Variants in SMIM7 observed in about 807,000 individuals in gnomAD.
The protein encoded by SMIM7 is UPF0608 protein C19orf42.
A neutral mutation model predicts 13.3 loss-of-function variants in SMIM7; 12 were observed. That is an observed-to-expected ratio of 0.90 (90% confidence interval 0.58 to 1.46). SMIM7 has a LOEUF of 1.46. Among genes scored for constraint, SMIM7 ranks in the 40% most tolerant of loss-of-function variants. SMIM7 has a pLI of 0.00. For missense variants in SMIM7, 114 were observed against 94.8 expected (o/e 1.20, Z -0.84); for synonymous variants, 36 against 35.8 (o/e 1.01, Z -0.02).
rs369854986 is a variant in SMIM7, at chr19:16,659,320, C to G, written c.121+75G>C. 8.0e-5 allele frequency: 84 copies of G among 1,053,652 alleles called. No homozygotes were observed. The African/African-American group carries it at 1.3e-3, about 16-fold the overall frequency. The allele number at this position is 1,053,652 out of a possible 1,614,324, so 65.3% of individuals were successfully genotyped here. A position where few individuals can be genotyped will look rare whatever the true frequency, so the allele number is the denominator to read the frequency against. ...AAAAAAAAAAGAGAAAGAAAGAAAA[C>G]GAAGGTAGGGCTTGGCGAAACAGAA... On this transcript the variant is annotated intron_variant, in intron 3 of 4. Transcript: ENST00000487416.
chr19:16,650,561 T>C (rs1423478823), intron 4 of SMIM7, among the ~76,000 whole-genome samples: 1 of 151,796 alleles, frequency 6.6e-6, no homozygotes, highest in Non-Finnish European at 1.5e-5. Context: ...AATAGAAAAA[T>C]TAGCCAAGTG....
chr19:16,632,422 G>A (rs945111525), intron 4 of SMIM7, among the ~76,000 whole-genome samples: 1 of 152,142 alleles, frequency 6.6e-6, no homozygotes, highest in African/African-American at 2.4e-5. Flanking sequence ...CTGAACGCAA[G>A]CCCCGGAACC....
chr19:16,635,603 C>G (rs184331235), intron 4 of SMIM7, among the ~76,000 whole-genome samples: 31 of 152,036 alleles, frequency 2.0e-4, no homozygotes, highest in Admixed American at 1.0e-3. Context: ...AGAGAGTAGC[C>G]AGGTGCAGTG....
At chr19:16,649,960 G>A (rs1301214780) in intron 4 of SMIM7, among the ~76,000 whole-genome samples, 2 of 152,064 alleles carry the variant, frequency 1.3e-5, no homozygotes, top group East Asian at 1.9e-4. Context: ...GGTTGCCAGG[G>A]ACTAAGGGAG....
chr19:16,654,295 G>A (rs2086567776), intron 3 of SMIM7, among the ~76,000 whole-genome samples, 170 bp from the exon 4 acceptor site: 2 of 152,094 alleles, frequency 1.3e-5, no homozygotes, highest in Non-Finnish European at 2.9e-5. Context: ...TCATCAGGCT[G>A]TGTCTACCAC....
intron 4 of SMIM7, chr19:16,652,994 C>T (rs1461316875): frequency 6.5e-7 from 1 of 1,549,182 alleles, no homozygotes; most frequent in African/African-American, 1.4e-5. Flanking sequence ...GAATTTAAAA[C>T]AATAAAGTCT....
intron 4 of SMIM7, among the ~76,000 whole-genome samples, chr19:16,633,183 G>A (rs2086334172): frequency 6.6e-6 from 1 of 151,958 alleles, no homozygotes; most frequent in Non-Finnish European, 1.5e-5. Flanking sequence ...CTGGCCAGGC[G>A]CGGTGGCTCA....
intron 4 of SMIM7, among the ~76,000 whole-genome samples, chr19:16,632,597 G>A (rs1234403383): frequency 2.7e-5 from 4 of 150,366 alleles, no homozygotes; most frequent in South Asian, 4.2e-4. Context: ...GAGTGAAATG[G>A]TGCCATCTGG....
chr19:16,648,685 C>A (rs528050107), intron 4 of SMIM7, among the ~76,000 whole-genome samples: 1 of 152,276 alleles, frequency 6.6e-6, no homozygotes, highest in South Asian at 2.1e-4. Flanking sequence ...TGTTCAATAT[C>A]ATTAACCATC....
chr19:16,656,628 G>T (rs562558301), intron 3 of SMIM7, among the ~76,000 whole-genome samples: 1 of 152,008 alleles, frequency 6.6e-6, no homozygotes, highest in Non-Finnish European at 1.5e-5. Flanking sequence ...GCCGGGTGCC[G>T]TCGCTCAAGT....
At chr19:16,654,149 T>C (rs2086566005) in intron 3 of SMIM7, 24 bp from the exon 4 acceptor site, 4 of 1,598,774 alleles carry the variant, frequency 2.5e-6, no homozygotes, top group Admixed American at 1.7e-5. Flanking sequence ...AAAGCACTTT[T>C]ATGGCACAGC....
In SMIM7 at chr19:16,654,133, A is replaced by G. The variant is rs1385681706; in HGVS notation, c.122-8T>C. 6.2e-7 allele frequency: 1 copy of G among 1,612,650 alleles called. No individual in the cohort carries two copies. Among genetic ancestry groups the G allele is most frequent in the Admixed American group, 1.7e-5 (1 of 59,994 alleles). ...ATTCCCGGATGTTGTCACCTGGAAG[A>G]ATCAGAAAGCACTTTTATGGCACAG... is the stretch of plus-strand genomic sequence containing the variant. On this transcript the variant is annotated splice_polypyrimidine_tract_variant and splice_region_variant and intron_variant, in intron 3 of 4. Coordinates refer to ENST00000487416, the MANE Select transcript of SMIM7 (RefSeq NM_024104.4).
intron 2 of SMIM7, 176 bp downstream of exon 2, chr19:16,659,783 C>A: frequency 1.2e-6 from 1 of 813,314 alleles, no homozygotes; most frequent in Non-Finnish European, 2.0e-6. Context: ...GGTTTAAGGT[C>A]TCTCGGGGGG....
At chr19:16,632,465 C>CT (rs2086328758) in intron 4 of SMIM7, among the ~76,000 whole-genome samples, 1 of 151,668 alleles carries the variant, frequency 6.6e-6, no homozygotes, top group South Asian at 2.1e-4. Flanking sequence ...GAATACAATA[C>CT]TTTAATTGCA....
chr19:16,632,373 A>G (rs2086328043), intron 4 of SMIM7, among the ~76,000 whole-genome samples: 1 of 151,944 alleles, frequency 6.6e-6, no homozygotes, highest in South Asian at 2.1e-4. Context: ...TTTTAATCCC[A>G]TCTTCAAGTA....
intron 4 of SMIM7, among the ~76,000 whole-genome samples, chr19:16,650,754 C>T (rs1331522055): frequency 6.6e-6 from 1 of 151,628 alleles, no homozygotes; most frequent in African/African-American, 2.4e-5. Context: ...GAATATTGAA[C>T]CATGCCCAGG....
downstream of SMIM7, among the ~76,000 whole-genome samples, chr19:16,642,197 C>A (rs2086408905): frequency 6.6e-6 from 1 of 152,170 alleles, no homozygotes; most frequent in African/African-American, 2.4e-5. Flanking sequence ...AACCAAGTGC[C>A]CATCAACTGG....
intron 4 of SMIM7, chr19:16,652,901 T>A (rs1390685197): frequency 2.0e-5 from 31 of 1,550,416 alleles, no homozygotes; most frequent in Non-Finnish European, 2.7e-5. Context: ...TCGTTAACAG[T>A]AGTATCAGAG....
At chr19:16,652,817 AC>A (rs926244163) in intron 4 of SMIM7, 2 of 1,547,512 alleles carry the variant, frequency 1.3e-6, no homozygotes, top group Non-Finnish European at 1.7e-6. Flanking sequence ...ACAGGGATGG[AC>A]CCACAGAGGC....
Sources: gnomAD v4.1 joint callset for allele counts (sites outside exome capture counted in the v4.1 genomes callset) on GRCh38, gnomAD v4.1.1 for gene constraint, MANE v1.5 for transcripts, NCBI Gene and HGNC (gene_info 2026-07-23, HGNC 2026-07-21) for gene names.